The following WDHD1 variants were observed in gnomAD, a reference collection of about 807,000 sequenced individuals.
WDHD1 encodes the protein WD repeat and HMG-box DNA binding protein 1, also known as WD repeat and HMG-box DNA-binding protein 1.
WDHD1 carries 111 observed loss-of-function variants against 135.4 expected under a neutral mutation model. The ratio of observed to expected loss-of-function variants is 0.82; its 90% CI spans 0.70 to 0.96. The LOEUF is 0.96. Ranked by LOEUF, WDHD1 falls within the 40% of genes least tolerant of loss-of-function variation. The pLI is 0.00. For missense variants in WDHD1, 1,351 were observed against 1,336.3 expected (o/e 1.01, Z -0.17); for synonymous variants, 434 against 439.0 (o/e 0.99, Z 0.14).
At chr14:55,018,075 G>A (rs935308814) in intron 2 of WDHD1, among the ~76,000 whole-genome samples, 7 of 152,088 alleles carry the variant, frequency 4.6e-5, no homozygotes, top group Non-Finnish European at 7.3e-5. Context: ...TTCTCCCTCT[G>A]CTTGGAGTGA....
intron 16 of WDHD1, among the ~76,000 whole-genome samples, chr14:54,967,849 G>A (rs901981850): frequency 6.6e-6 from 1 of 152,058 alleles, no homozygotes; most frequent in African/African-American, 2.4e-5. Context: ...TCGAACTCCT[G>A]GGCTAAAGTG....
At chr14:55,001,587 C>A (rs532182277) in intron 8 of WDHD1, among the ~76,000 whole-genome samples, 19 of 152,218 alleles carry the variant, frequency 1.2e-4, no homozygotes, top group Admixed American at 1.2e-3. Context: ...CAAAGCAAAA[C>A]CTAAAAAATG....
intron 18 of WDHD1, among the ~76,000 whole-genome samples, chr14:54,963,851 C>A (rs1176214079): frequency 6.6e-6 from 1 of 151,420 alleles, no homozygotes; most frequent in Non-Finnish European, 1.5e-5. Context: ...CTGGCTCACA[C>A]CTGTAATCCT....
In WDHD1 at chr14:54,962,842, G is replaced by A. The variant is rs369050627; in HGVS notation, c.2543C>T (p.Thr848Ile). Residue 848 changes from threonine to isoleucine, a missense_variant, in exon 20 of 26, where the codon ACT (threonine) becomes ATT (isoleucine). Physicochemically the swap from Thr to Ile is moderately conservative, Grantham distance 89 (BLOSUM62 -1). This residue lies in a region of WDHD1 where 1,330 missense variants were observed against 1,296.1 expected (regional missense o/e 1.03). Coordinates refer to ENST00000360586, the MANE Select transcript of WDHD1 (RefSeq NM_007086.4). ...CCTTGGTTGGCTCCACTCTGTAGCA[G>A]TATTGCTGTAACTAAGAGAAAATAA... ...RKKLNAGYSN[T>I]ATEWSQPRFR... 3 of 1,612,348 alleles carry A rather than the reference G, an allele frequency of 1.9e-6. No homozygotes were observed.
At chr14:55,021,886 A>G (rs1223746970) in intron 2 of WDHD1, among the ~76,000 whole-genome samples, 3 of 152,314 alleles carry the variant, frequency 2.0e-5, no homozygotes, top group Middle Eastern at 3.4e-3. Flanking sequence ...AGCTTTTTCT[A>G]TAACAATGAT....
At chr14:55,019,611 G>A (rs966012891) in intron 2 of WDHD1, among the ~76,000 whole-genome samples, 3 of 152,170 alleles carry the variant, frequency 2.0e-5, no homozygotes, top group Non-Finnish European at 4.4e-5. Flanking sequence ...GCTCATGCCT[G>A]TAACCCCAGC....
In WDHD1 at chr14:54,962,789, C is replaced by G. The variant is rs1329224263; in HGVS notation, c.2596G>C (p.Glu866Gln). 1 of 1,613,720 alleles carries G rather than the reference C, an allele frequency of 6.2e-7. No homozygotes were observed. The highest frequency in any genetic ancestry group is 8.5e-7 in the Non-Finnish European group (1 of 1,180,020). ...TCATCATCAGCTTCTCCACTGTCCT[C>G]AGCATCTTCTTCAACTTGATTTCTG... The part of the protein sequence containing the change: ...RFRNQVEEDA[E>Q]DSGEADDEEK... Residue 866 changes from glutamate to glutamine, a missense_variant, in exon 20 of 26, where the codon GAG becomes CAG. By Grantham distance (29) the Glu-to-Gln change is conservative. Around this residue, in one of 2 missense-constraint regions of WDHD1, gnomAD observed 1,330 missense variants for 1,296.1 expected, o/e 1.03. Coordinates refer to ENST00000360586, the MANE Select transcript of WDHD1 (RefSeq NM_007086.4).
chr14:54,944,399 G>A lies in WDHD1; in HGVS notation c.3122C>T (p.Ser1041Leu). ...SNILSDNPDF[S>L]DEADIIKEGM... ...TTCTTTTATTATGTCTGCTTCATCT[G>A]AAAAGTCAGGATTGTCAGACAAAAT... The change falls in exon 25 of 26, where the codon TCA (serine) becomes TTA (leucine). Residue 1041 changes from serine to leucine, a missense_variant. This residue lies in a region of WDHD1 where 1,330 missense variants were observed against 1,296.1 expected (regional missense o/e 1.03). Transcript: ENST00000360586. 1 of 1,607,810 alleles carries A rather than the reference G, an allele frequency of 6.2e-7. No homozygotes were observed. Among genetic ancestry groups the A allele is most frequent in the Non-Finnish European group, 8.5e-7 (1 of 1,178,754 alleles).
At position 54,991,238 on chromosome 14, in the gene WDHD1, G is replaced by C. The variant is rs756791562; in HGVS notation, c.1316C>G (p.Pro439Arg). Residue 439 changes from proline (P) to arginine (R), a missense_variant, in exon 12 of 26, where the codon CCG (proline) becomes CGG (arginine). Coordinates refer to ENST00000360586, the MANE Select transcript of WDHD1 (RefSeq NM_007086.4). ...RQKPFQSGST[P>R]LHLTHRFMVW... ...CATGAATCTGTGAGTGAGATGCAAC[G>C]GTGTAGAACCTGACTGAAATGGCTT... 6.2e-7 allele frequency: 1 copy of C among 1,604,334 alleles called. No homozygotes were observed. Among genetic ancestry groups the C allele is most frequent in the Admixed American group, 1.7e-5 (1 of 59,976 alleles).
rs1313894495 is a variant in WDHD1 at position 55,008,385 on chromosome 14, C to T, written c.454-19G>A. The T allele has an allele frequency of 1.2e-6, 2 of 1,612,030 alleles. No individual in the cohort carries two copies. Among genetic ancestry groups the T allele is most frequent in the Non-Finnish European group, 1.7e-6 (2 of 1,179,032 alleles). On this transcript the variant is annotated intron_variant, in intron 5 of 25. Transcript: ENST00000360586. ...CTGATGCCTGCAGGAATAAACAATACATTTCTCTATAGTCATAGCCATAAT... is the reference window on the plus strand; with the variant it reads ...CTGATGCCTGCAGGAATAAACAATATATTTCTCTATAGTCATAGCCATAAT...
intron 2 of WDHD1, among the ~76,000 whole-genome samples, chr14:55,017,165 C>A (rs2140230058): frequency 6.6e-6 from 1 of 152,230 alleles, no homozygotes; most frequent in East Asian, 1.9e-4. Flanking sequence ...TGATAAAATT[C>A]TTAATTTTTA....
At chr14:54,985,107 T>C (rs1255070296) in intron 14 of WDHD1, among the ~76,000 whole-genome samples, 1 of 152,180 alleles carries the variant, frequency 6.6e-6, no homozygotes, top group African/African-American at 2.4e-5. Context: ...ACAGAGAGCT[T>C]ACTACACGCC....
rs773005112 is a variant in WDHD1 at position 54,966,552 on chromosome 14, T to G, written c.2233A>C (p.Asn745His). 6.2e-7 allele frequency: 1 copy of G among 1,608,524 alleles called. No homozygotes were observed. The highest frequency in any genetic ancestry group is 1.7e-5 in the Admixed American group (1 of 58,012). The part of the protein sequence containing the change: ...FHNHLDYLAK[N>H]GYEYEESTKN... ...GTGCTCTCTTCATATTCATAACCAT[T>G]TTTAGCTAAATAATCAAGGTGGTTG... Residue 745 changes from asparagine to histidine, a missense_variant, in exon 18 of 26, where the codon AAT (asparagine) becomes CAT (histidine). Coordinates refer to ENST00000360586, the MANE Select transcript of WDHD1 (RefSeq NM_007086.4).
At chr14:54,966,178 A>AG (rs1455340084) in intron 18 of WDHD1, among the ~76,000 whole-genome samples, 14 of 149,646 alleles carry the variant, frequency 9.4e-5, no homozygotes, top group African/African-American at 3.4e-4. Flanking sequence ...AAAAAAAAAA[A>AG]AAAAAAAAAA....
In WDHD1 at chr14:54,959,778, A is replaced by G. The variant is rs148368652; in HGVS notation, c.2702-2143T>C. Among the ~76,000 whole-genome samples the G allele has an allele frequency of 4.2e-3, 628 of 151,324 alleles. 2 individuals carry two copies. The highest frequency in any genetic ancestry group is 6.2e-3 in the Non-Finnish European group (424 of 67,980). ...TGAGTGACAAAGCAAGATACCCTGTATCCGCACCCCCCCCACCAAACAAAA... is the reference window on the plus strand; with the variant it reads ...TGAGTGACAAAGCAAGATACCCTGTGTCCGCACCCCCCCCACCAAACAAAA... On this transcript the variant is annotated intron_variant, in intron 21 of 25. Coordinates refer to ENST00000360586, the MANE Select transcript of WDHD1 (RefSeq NM_007086.4).
chr14:54,943,369 A>G (rs1566700514), intron 25 of WDHD1, among the ~76,000 whole-genome samples: 1 of 152,188 alleles, frequency 6.6e-6, no homozygotes, highest in Non-Finnish European at 1.5e-5. Context: ...AGTAGTATTC[A>G]AAAAATGTGA....
chr14:54,960,229 A>G (rs779831094), intron 21 of WDHD1, among the ~76,000 whole-genome samples: 1 of 151,500 alleles, frequency 6.6e-6, no homozygotes, highest in African/African-American at 2.4e-5. Context: ...GTGCGGTGGT[A>G]TGATCTCACC....
chr14:54,962,623 T>G lies in WDHD1; in HGVS notation c.2648-72A>C, dbSNP rs568218347. The stretch of plus-strand genomic sequence containing the variant: ...TCATCCTCAATATACAACAACCAGA[T>G]AGCAAAGAGGTCTGAAAAAAAGTAT... On this transcript the variant is annotated intron_variant, in intron 20 of 25. Coordinates refer to ENST00000360586, the MANE Select transcript of WDHD1 (RefSeq NM_007086.4). 3 of 1,520,430 alleles carry G rather than the reference T, an allele frequency of 2.0e-6. No individual in the cohort carries two copies. In the East Asian group the frequency reaches 6.8e-5, roughly 34 times the overall value. The allele number at this position is 1,520,430 out of a possible 1,614,324, so 94.2% of individuals were successfully genotyped here.
chr14:54,999,426 C>A (rs1229686678), intron 10 of WDHD1, among the ~76,000 whole-genome samples: 1 of 152,178 alleles, frequency 6.6e-6, no homozygotes, highest in African/African-American at 2.4e-5. Context: ...ATCACCTCTC[C>A]TGTTTTCAGC....
Sources: allele counts gnomAD v4.1 joint callset (sites outside exome capture counted in the v4.1 genomes callset), GRCh38; gene constraint gnomAD v4.1.1; regional missense constraint gnomAD v4.1.1; transcripts MANE v1.5; gene names NCBI Gene and HGNC (gene_info 2026-07-23, HGNC 2026-07-21).